Variants in EFCC1 observed in about 807,000 individuals in gnomAD.
EFCC1 encodes the protein EF-hand and coiled-coil domain-containing protein 1.
In EFCC1, 50 loss-of-function variants were observed where a neutral mutation model predicts 52.1. The observed-to-expected ratio is 0.96, with a 90% CI of 0.76 to 1.21. EFCC1 has a LOEUF of 1.21. Among genes scored for constraint, EFCC1 ranks in the 50% most tolerant of loss-of-function variants. The probability of loss-of-function intolerance (pLI) is 0.00; values close to 1 mark genes in which losing one functional copy is unlikely to be tolerated. For missense variants in EFCC1, 837 were observed against 867.3 expected, an observed-to-expected ratio of 0.97 and a Z score of 0.44; for synonymous variants, 399 against 396.5, an observed-to-expected ratio of 1.01 and a Z score of -0.08.
In EFCC1 at chr3:129,003,839, G is replaced by A. The variant is rs886504191; in HGVS notation, c.742G>A (p.Gly248Ser). The A allele has an allele frequency of 4.2e-5, 62 of 1,462,056 alleles. No homozygotes were observed. The highest frequency in any genetic ancestry group is 5.6e-5 in the Non-Finnish European group (62 of 1,111,122). 90.6% of individuals were successfully genotyped at this position (1,462,056 alleles called of 1,614,324 possible). Residue 248 changes from glycine (G) to serine (S), a missense_variant, in exon 2 of 8, where the codon GGC becomes AGC. Gly to Ser is a moderately conservative substitution (Grantham distance 56). Transcript: ENST00000683648. ...SQASTHEMGH[G>S]GPEAAVRELR... ...GGCGAGCACCCACGAGATGGGGCAC[G>A]GCGGGCCGGAGGCTGCGGTGCGGGA...
chr3:129,030,858 A>C lies in EFCC1; in HGVS notation c.1136A>C (p.Glu379Ala), dbSNP rs1946257870. The C allele has an allele frequency of 5.2e-6, 8 of 1,550,540 alleles. No homozygotes were observed. Among genetic ancestry groups the C allele is most frequent in the Non-Finnish European group, 7.0e-6 (8 of 1,146,534 alleles). The change falls in exon 3 of 8, where the codon GAA becomes GCA. Residue 379 changes from glutamate (E) to alanine (A), a missense_variant and splice_region_variant. Glu to Ala is a moderately radical substitution (Grantham distance 107). Coordinates refer to ENST00000683648, the MANE Select transcript of EFCC1 (RefSeq NM_001377500.1). ...AGCTCTGGAAGCAGAGCCCTGGATG[A>C]AGGTTTGTCCCCTGTGCGCCCAGTC... Reference protein sequence around the residue: ...DSSSGSRALDEAVDEQLFRSV... With the variant: ...DSSSGSRALDAAVDEQLFRSV...
chr3:129,012,018 G>A (rs1354051901), intron 2 of EFCC1, among the ~76,000 whole-genome samples: 2 of 152,236 alleles, frequency 1.3e-5, no homozygotes, highest in African/African-American at 2.4e-5. Flanking sequence ...CTTCCCACAG[G>A]TGGGTTGGAA....
chr3:129,039,739 T>C lies in EFCC1; in HGVS notation c.1691T>C (p.Leu564Pro). 1.2e-6 allele frequency: 2 copies of C among 1,609,892 alleles called. No homozygotes were observed. Among genetic ancestry groups the C allele is most frequent in the Non-Finnish European group, 1.7e-6 (2 of 1,177,376 alleles). Residue 564 changes from leucine to proline, a missense_variant, in exon 8 of 8, where the codon CTG (leucine) becomes CCG (proline). Transcript: ENST00000683648. ...GGAAGGCCCAGCCCTGCAGCCATCC[T>C]GGATGCCCTGCACCAAGCCTTGGCT... ...HEGRPSPAAI[L>P]DALHQALAAC...
At chr3:129,021,088 C>T (rs1314000262) in intron 2 of EFCC1, among the ~76,000 whole-genome samples, 1 of 152,162 alleles carries the variant, frequency 6.6e-6, no homozygotes, top group African/African-American at 2.4e-5. Context: ...GGGTGGTGCT[C>T]CTGACACATG....
chr3:129,015,357 G>A (rs1428215910), intron 2 of EFCC1, among the ~76,000 whole-genome samples: 1 of 152,044 alleles, frequency 6.6e-6, no homozygotes, highest in Non-Finnish European at 1.5e-5. Context: ...CGTCTTTCAC[G>A]GCCCCTGGAC....
At chr3:129,019,921 A>G (rs1945760365) in intron 2 of EFCC1, among the ~76,000 whole-genome samples, 1 of 151,828 alleles carries the variant, frequency 6.6e-6, no homozygotes, top group African/African-American at 2.4e-5. Flanking sequence ...GGTACCCACC[A>G]CCACGCCCGG....
At chr3:129,005,868 G>C (rs1451484383) in intron 2 of EFCC1, among the ~76,000 whole-genome samples, 1 of 152,272 alleles carries the variant, frequency 6.6e-6, no homozygotes, top group Non-Finnish European at 1.5e-5. Context: ...GGGCTGGTTG[G>C]CTTGAGGCCC....
chr3:129,027,029 G>T (rs975565662), intron 2 of EFCC1, among the ~76,000 whole-genome samples: 4 of 152,110 alleles, frequency 2.6e-5, no homozygotes, highest in Non-Finnish European at 5.9e-5. Flanking sequence ...GTCATCTTTG[G>T]GCTCTATCTG....
Position 129,037,067 on chromosome 3 carries a change from G to A in EFCC1, c.1543G>A (p.Glu515Lys), listed in dbSNP as rs1174908496. Residue 515 changes from glutamate to lysine, a missense_variant, in exon 6 of 8, where the codon GAG (glutamate) becomes AAG (lysine). Transcript: ENST00000683648. Reference protein sequence around the residue: ...ETERVRLSLLEEKLVDVLQLL... With the variant: ...ETERVRLSLLKEKLVDVLQLL... ...CGAGAGGGTGCGGCTGTCCCTGCTG[G>A]AGGAGAAGCTGGTGGACGTGCTGCA... The A allele has an allele frequency of 1.2e-6, 2 of 1,613,232 alleles. No homozygotes were observed.
chr3:129,027,991 CTT>C (rs1946174715), intron 2 of EFCC1, among the ~76,000 whole-genome samples: 1 of 151,438 alleles, frequency 6.6e-6, no homozygotes, highest in Non-Finnish European at 1.5e-5. Flanking sequence ...AATGGGGACT[CTT>C]TGGAGATTGA....
chr3:129,005,921 G>A (rs1325300463), intron 2 of EFCC1, among the ~76,000 whole-genome samples: 1 of 152,268 alleles, frequency 6.6e-6, no homozygotes, highest in African/African-American at 2.4e-5. Context: ...AAATAAAGGG[G>A]CTCTTCTTTG....
At chr3:129,006,649 G>A (rs955814013) in intron 2 of EFCC1, among the ~76,000 whole-genome samples, 2 of 152,142 alleles carry the variant, frequency 1.3e-5, no homozygotes, top group African/African-American at 4.8e-5. Flanking sequence ...GAAGAAGTAG[G>A]AGCAGCTATT....
At chr3:129,002,669 A>G in intron 1 of EFCC1, 1 of 313,942 alleles carries the variant, frequency 3.2e-6, no homozygotes, top group Non-Finnish European at 5.8e-6. Flanking sequence ...CCTTTCAACA[A>G]GCATCTTTCT....
At chr3:129,002,422 AG>A in intron 1 of EFCC1, 98 bp downstream of exon 1, 1 of 1,421,244 alleles carries the variant, frequency 7.0e-7, no homozygotes, top group Non-Finnish European at 9.1e-7. Flanking sequence ...AGTCAGAGGA[AG>A]GGGAGACAGA....
Position 129,003,952 on chromosome 3 carries a change from G to T in EFCC1, c.855G>T (p.Ala285=). The T allele has an allele frequency of 7.0e-7, 1 of 1,420,562 alleles. No homozygotes were observed. The highest frequency in any genetic ancestry group is 9.2e-7 in the Non-Finnish European group (1 of 1,092,108). 88.0% of individuals were successfully genotyped at this position (1,420,562 alleles called of 1,614,324 possible). The change falls in exon 2 of 8, where the codon GCG becomes GCT. Residue 285 remains alanine, a synonymous_variant. Transcript: ENST00000683648. ...RRGQAEVRRR[A]EEARQVVLRS... ...GCCAGGCCGAGGTGCGGCGGCGCGCGGAGGAGGCCCGGCAGGTGGTGCTGC... is the reference window on the plus strand; with the variant it reads ...GCCAGGCCGAGGTGCGGCGGCGCGCTGAGGAGGCCCGGCAGGTGGTGCTGC...
At chr3:129,007,908 C>T (rs545318105) in intron 2 of EFCC1, among the ~76,000 whole-genome samples, 34 of 152,286 alleles carry the variant, frequency 2.2e-4, no homozygotes, top group Admixed American at 7.2e-4. Context: ...ATTTTAAAGT[C>T]TCTTGTGGAT....
intron 6 of EFCC1, 56 bp downstream of exon 6, chr3:129,037,173 G>T: frequency 6.5e-7 from 1 of 1,528,738 alleles, no homozygotes. Context: ...TCTTGGGAGG[G>T]AGCCCCACTT....
chr3:129,031,439 C>T (rs1042045608), intron 3 of EFCC1, among the ~76,000 whole-genome samples: 9 of 152,046 alleles, frequency 5.9e-5, no homozygotes, highest in Admixed American at 1.3e-4. Context: ...GGGCCCTGCC[C>T]CCCTAAAGAA....
intron 2 of EFCC1, among the ~76,000 whole-genome samples, chr3:129,029,098 C>T (rs113987133): frequency 4.6e-5 from 7 of 152,156 alleles, no homozygotes; most frequent in Non-Finnish European, 8.8e-5. Flanking sequence ...CGAGTTCTCC[C>T]GTGTCCCCCT....
Sources: gnomAD v4.1 joint callset for allele counts (sites outside exome capture counted in the v4.1 genomes callset) on GRCh38, gnomAD v4.1.1 for gene constraint, MANE v1.5 for transcripts, NCBI Gene and HGNC (gene_info 2026-07-23, HGNC 2026-07-21) for gene names.